Variants in WDR27 observed in about 807,000 individuals in gnomAD.
The protein encoded by WDR27 is WD repeat domain 27, also known as WD repeat-containing protein 27.
Under a neutral mutation model 114.4 loss-of-function variants are expected in WDR27, and 100 were observed. That is an observed-to-expected ratio of 0.87 (90% CI 0.74 to 1.03). The LOEUF (loss-of-function observed/expected upper bound fraction) is 1.03, where lower values mean the gene tolerates loss of function less well. Among genes scored for constraint, WDR27 ranks in the 50% least tolerant of loss-of-function variants. WDR27 has a pLI of 0.00. For synonymous variants in WDR27, 449 were observed against 423.1 expected, an observed-to-expected ratio of 1.06 and a Z score of -0.75; for missense variants, 1,129 against 1,092.9, an observed-to-expected ratio of 1.03 and a Z score of -0.47.
chr6:169,644,392 C>T (rs1819971245), intron 16 of WDR27, among the ~76,000 whole-genome samples: 1 of 150,118 alleles, frequency 6.7e-6, no homozygotes, highest in Non-Finnish European at 1.5e-5. Context: ...TCCTAGTTCA[C>T]AGGAGTCACA....
At chr6:169,626,854 G>A (rs73790071) in intron 21 of WDR27, among the ~76,000 whole-genome samples, 1,923 of 152,308 alleles carry the variant, frequency 0.013, 39 homozygotes, top group African/African-American at 0.043. Context: ...GTCTCCCGGC[G>A]GACTGGGCAT....
At chr6:169,525,255 G>A (rs138059849) in intron 25 of WDR27, among the ~76,000 whole-genome samples, 115 of 152,082 alleles carry the variant, frequency 7.6e-4, no homozygotes, top group South Asian at 4.4e-3. Flanking sequence ...TGCTTTTATC[G>A]GCCAGGCGTG....
chr6:169,533,816 G>A (rs1795892022), intron 25 of WDR27, among the ~76,000 whole-genome samples: 1 of 126,670 alleles, frequency 7.9e-6, no homozygotes, highest in Non-Finnish European at 1.7e-5. Context: ...TTCTCAAGAA[G>A]GTAAGCCTGT....
chr6:169,693,728 T>A (rs1490342512), intron 1 of WDR27, among the ~76,000 whole-genome samples: 5 of 145,028 alleles, frequency 3.4e-5, no homozygotes, highest in Non-Finnish European at 7.6e-5. Context: ...GCAACAAGTT[T>A]AAAAAAAAAA....
intron 14 of WDR27, 25 bp downstream of exon 14, chr6:169,651,903 GTC>G (rs1297357040): frequency 6.3e-7 from 1 of 1,599,138 alleles, no homozygotes; most frequent in Non-Finnish European, 8.5e-7. Context: ...GTGCATTTCT[GTC>G]TCTCATTGAC....
chr6:169,595,950 T>A (rs538134615), intron 23 of WDR27, among the ~76,000 whole-genome samples: 2 of 152,230 alleles, frequency 1.3e-5, no homozygotes, highest in East Asian at 3.9e-4. Context: ...CCAATGTTTT[T>A]TTAACAAAAA....
chr6:169,455,650 C>T (rs1784319092), downstream of WDR27, among the ~76,000 whole-genome samples: 1 of 152,240 alleles, frequency 6.6e-6, no homozygotes, highest in South Asian at 2.1e-4. Flanking sequence ...TCTACAGTGG[C>T]CAAGTCCTTC....
intron 25 of WDR27, among the ~76,000 whole-genome samples, chr6:169,489,775 G>A (rs1349164726): frequency 1.3e-5 from 2 of 152,210 alleles, no homozygotes; most frequent in Non-Finnish European, 2.9e-5. Flanking sequence ...CCAAGGCTCA[G>A]CTCTCCAAAG....
In WDR27 at chr6:169,564,425, C is replaced by G. The variant is rs1800135297; in HGVS notation, c.2645+7994G>C. Among the ~76,000 whole-genome samples the G allele has an allele frequency of 2.0e-5, 3 of 152,334 alleles. No homozygotes were observed. In the South Asian group the frequency reaches 6.2e-4, roughly 32 times the overall value. Reference sequence around the variant, plus strand: ...CACAGCCAGGACAATACTTTGCGTCCTTCAATCCAGTCAAGTTGGCACGTG... The same window carrying G: ...CACAGCCAGGACAATACTTTGCGTCGTTCAATCCAGTCAAGTTGGCACGTG... On this transcript the variant is annotated intron_variant, in intron 25 of 25. Transcript: ENST00000448612.
intron 21 of WDR27, among the ~76,000 whole-genome samples, chr6:169,616,265 G>A (rs1175616271): frequency 1.1e-4 from 16 of 152,178 alleles, no homozygotes; most frequent in South Asian, 2.1e-4. Context: ...CAAGGCGGGC[G>A]GATCACGAGG....
chr6:169,436,357 T>C, the WDR27 span, among the ~76,000 whole-genome samples: 7 of 152,186 alleles, frequency 4.6e-5, no homozygotes, highest in African/African-American at 1.7e-4. Context: ...CATAAAACTA[T>C]AAATCCAGCT....
At chr6:169,575,239 T>TCTCC (rs1554295637) in intron 24 of WDR27, among the ~76,000 whole-genome samples, 4 of 131,004 alleles carry the variant, frequency 3.1e-5, no homozygotes, top group Admixed American at 7.6e-5. Context: ...TCTCCCTCTC[T>TCTCC]ATCCATCCAT....
At chr6:169,595,537 T>C (rs955485526) in intron 23 of WDR27, among the ~76,000 whole-genome samples, 1 of 152,218 alleles carries the variant, frequency 6.6e-6, no homozygotes, top group African/African-American at 2.4e-5. Context: ...ACAATTCTAT[T>C]GTCAGCTTCA....
At chr6:169,695,643 T>C (rs897127989) in intron 1 of WDR27, among the ~76,000 whole-genome samples, 2 of 152,116 alleles carry the variant, frequency 1.3e-5, no homozygotes, top group Non-Finnish European at 2.9e-5. Context: ...GGAGTCTAAA[T>C]ACCCCGGGGC....
At chr6:169,648,174 T>C (rs1299741085) in intron 15 of WDR27, among the ~76,000 whole-genome samples, 1 of 152,066 alleles carries the variant, frequency 6.6e-6, no homozygotes, top group Non-Finnish European at 1.5e-5. Flanking sequence ...GGGGTGAGGG[T>C]TCTCACTAAG....
At chr6:169,439,435 C>T in the WDR27 span, among the ~76,000 whole-genome samples, 1 of 151,958 alleles carries the variant, frequency 6.6e-6, no homozygotes, top group Non-Finnish European at 1.5e-5. Context: ...GCATCTGCAA[C>T]AAGATTCATA....
chr6:169,502,820 C>G (rs961187451), intron 25 of WDR27, among the ~76,000 whole-genome samples: 13 of 152,148 alleles, frequency 8.5e-5, no homozygotes, highest in African/African-American at 1.4e-4. Context: ...TTGGCCATTT[C>G]CAGGACCACG....
intron 23 of WDR27, among the ~76,000 whole-genome samples, chr6:169,593,834 G>C (rs1806240401): frequency 6.6e-6 from 1 of 151,310 alleles, no homozygotes; most frequent in Non-Finnish European, 1.5e-5. Context: ...GGGCAACAGA[G>C]CAAGACTCTG....
At chr6:169,616,189 T>C (rs926049982) in intron 21 of WDR27, among the ~76,000 whole-genome samples, 1 of 151,982 alleles carries the variant, frequency 6.6e-6, no homozygotes, top group African/African-American at 2.4e-5. Flanking sequence ...CAAAACTCAA[T>C]AGAATTACAA....
Sources: gnomAD v4.1 joint callset for allele counts (sites outside exome capture counted in the v4.1 genomes callset) on GRCh38, gnomAD v4.1.1 for gene constraint, MANE v1.5 for transcripts, NCBI Gene and HGNC (gene_info 2026-07-23, HGNC 2026-07-21) for gene names.